Variants in NHLRC3 observed in about 807,000 individuals in gnomAD.
NHLRC3 encodes NHL repeat-containing protein 3.
In NHLRC3, 23 loss-of-function variants were observed where a neutral mutation model predicts 32.0. The observed-to-expected ratio is 0.72, with a 90% CI of 0.52 to 1.02. NHLRC3 has a LOEUF of 1.02. Ranked by LOEUF, NHLRC3 falls within the 50% of genes least tolerant of loss-of-function variation. NHLRC3 has a pLI of 0.00. For missense variants in NHLRC3, 407 were observed against 406.8 expected (o/e 1.00, Z -0.01); for synonymous variants, 159 against 147.9 (o/e 1.08, Z -0.55).
At chr13:39,044,925 C>G (rs1460395958) in intron 5 of NHLRC3, among the ~76,000 whole-genome samples, 1 of 152,164 alleles carries the variant, frequency 6.6e-6, no homozygotes, top group Non-Finnish European at 1.5e-5. Context: ...TGTCTGTCTC[C>G]CCTAATAGAT....
At chr13:39,042,862 A>AGGG (rs1465876577) in intron 4 of NHLRC3, among the ~76,000 whole-genome samples, 1 of 152,114 alleles carries the variant, frequency 6.6e-6, no homozygotes, top group Non-Finnish European at 1.5e-5. Flanking sequence ...GTGGGAGGAG[A>AGGG]GGGGAGGATG....
chr13:39,039,317 T>C, intron 2 of NHLRC3, 29 bp downstream of exon 2: 2 of 1,577,364 alleles, frequency 1.3e-6, no homozygotes, highest in Non-Finnish European at 8.7e-7. Flanking sequence ...AAAAAAATTA[T>C]GAACACAAAG....
At position 39,042,223 on chromosome 13, in the gene NHLRC3, A is replaced by G; in HGVS notation, c.504A>G (p.Glu168=). The part of the protein sequence containing the change: ...LNPLQFDNPA[E]LYVEDTGDIY... ...CTTTGCAGTTTGATAACCCAGCAGA[A>G]TTATATGTAGAGGACACAGGAGATA... is the stretch of plus-strand genomic sequence containing the variant. Residue 168 remains glutamate (E), a synonymous_variant, in exon 4 of 7, where the codon GAA becomes GAG. Coordinates refer to ENST00000379600, the MANE Select transcript of NHLRC3 (RefSeq NM_001012754.4). 1 of 1,611,718 alleles carries G rather than the reference A, an allele frequency of 6.2e-7. No individual in the cohort carries two copies. The highest frequency in any genetic ancestry group is 8.5e-7 in the Non-Finnish European group (1 of 1,177,882).
chr13:39,042,742 T>C (rs1871513034), intron 4 of NHLRC3, among the ~76,000 whole-genome samples: 2 of 152,250 alleles, frequency 1.3e-5, no homozygotes, highest in Non-Finnish European at 2.9e-5. Context: ...AAATGTAGTC[T>C]ATGCTATTGA....
chr13:39,047,084 TAA>T lies in NHLRC3; in HGVS notation c.725_726del (p.Lys242ArgfsTer11). On this transcript the variant is annotated frameshift_variant, in exon 6 of 7. Transcript: ENST00000379600. LOFTEE classifies it high-confidence loss of function. ...GAAATAAAAGAATCCAAGTATTTGA[TAA>T]AGACACTGGGGAGTGGTTAGGAGCA... is the stretch of plus-strand genomic sequence containing the variant. ...RGNKRIQVFD[K>X]DTGEWLGAWN... is the part of the protein sequence containing the mutation. 6.2e-7 allele frequency: 1 copy of T among 1,613,372 alleles called. No homozygotes were observed. Among genetic ancestry groups the T allele is most frequent in the Non-Finnish European group, 8.5e-7 (1 of 1,179,544 alleles).
rs182249788 is a variant in NHLRC3 at position 39,044,721 on chromosome 13, C to T, written c.678+540C>T. On this transcript the variant is annotated intron_variant, in intron 5 of 6. Transcript: ENST00000379600. ...TTAGCCAACAAATTTCAATCAGTTT[C>T]TCTCTTTTCTACCCTACTCACTACT... is the stretch of plus-strand genomic sequence containing the variant. 2.5e-3 allele frequency among the ~76,000 whole-genome samples: 376 copies of T among 152,316 alleles called. 1 individual carries two copies. The highest frequency in any genetic ancestry group is 8.8e-3 in the African/African-American group (367 of 41,572).
Position 39,048,085 on chromosome 13 carries a change from C to T in NHLRC3, c.*159C>T. On this transcript the variant is annotated 3_prime_UTR_variant, in exon 7 of 7. Coordinates refer to ENST00000379600, the MANE Select transcript of NHLRC3 (RefSeq NM_001012754.4). ...TCATTAAGAATCTTATATTTTGTTG[C>T]CCTCTTGGGACTTAGTTTTATTTGT... is the stretch of plus-strand genomic sequence containing the variant. The T allele has an allele frequency of 4.8e-6, 3 of 623,916 alleles. No individual in the cohort carries two copies. The highest frequency in any genetic ancestry group is 8.1e-6 in the Non-Finnish European group (3 of 371,848). 38.6% of individuals were successfully genotyped at this position (623,916 alleles called of 1,614,324 possible). A position where few individuals can be genotyped will look rare whatever the true frequency, so the allele number is the denominator to read the frequency against.
In NHLRC3 at chr13:39,047,674, G is replaced by A; in HGVS notation, c.792G>A (p.Arg264=). The A allele has an allele frequency of 6.2e-7, 1 of 1,611,460 alleles. No homozygotes were observed. The highest frequency in any genetic ancestry group is 8.5e-7 in the Non-Finnish European group (1 of 1,178,024). Residue 264 remains arginine (R), a splice_region_variant and synonymous_variant, in exon 7 of 7, where the codon AGG becomes AGA. Coordinates refer to ENST00000379600, the MANE Select transcript of NHLRC3 (RefSeq NM_001012754.4). ...TTATGTTAAATGTCTTTCTCCTTAGGTTTACTCCTGATGGGAAGTACTTGA... is the reference window on the plus strand; with the variant it reads ...TTATGTTAAATGTCTTTCTCCTTAGATTTACTCCTGATGGGAAGTACTTGA... ...CFTEEGPSSV[R]FTPDGKYLIV...
chr13:39,044,481 AT>A, intron 5 of NHLRC3: 5 of 306,448 alleles, frequency 1.6e-5, no homozygotes, highest in Non-Finnish European at 2.4e-5. Context: ...GAAGGCACAA[AT>A]AATGGATCTG....
At position 39,047,698 on chromosome 13, in the gene NHLRC3, G is replaced by C; in HGVS notation, c.816G>C (p.Leu272Phe). The change falls in exon 7 of 7, where the codon TTG becomes TTC. Residue 272 changes from leucine to phenylalanine, a missense_variant. By Grantham distance (22) the Leu-to-Phe change is conservative. Coordinates refer to ENST00000379600, the MANE Select transcript of NHLRC3 (RefSeq NM_001012754.4). ...GGTTTACTCCTGATGGGAAGTACTTGATTGTGGCCCAGCTGAATCTTAGCA... is the reference window on the plus strand; with the variant it reads ...GGTTTACTCCTGATGGGAAGTACTTCATTGTGGCCCAGCTGAATCTTAGCA... ...SVRFTPDGKY[L>F]IVAQLNLSRL... is the part of the protein sequence containing the mutation. The C allele has an allele frequency of 6.2e-7, 1 of 1,613,790 alleles. No individual in the cohort carries two copies. The highest frequency in any genetic ancestry group is 8.5e-7 in the Non-Finnish European group (1 of 1,179,754).
chr13:39,039,293 GTAAA>G lies in NHLRC3; in HGVS notation c.237+8_237+11del. The G allele has an allele frequency of 6.2e-7, 1 of 1,606,266 alleles. No homozygotes were observed. The highest frequency in any genetic ancestry group is 8.5e-7 in the Non-Finnish European group (1 of 1,174,772). On this transcript the variant is annotated splice_donor_region_variant and intron_variant, in intron 2 of 6. Transcript: ENST00000379600. ...GGATTGGTTTACATAGGTCAAGTAA[GTAAA>G]TAGAGATTTAAAAAAATTATGAACA...
In NHLRC3 at chr13:39,044,116, G is replaced by C; in HGVS notation, c.613G>C (p.Glu205Gln). 1.9e-6 allele frequency: 3 copies of C among 1,613,706 alleles called. No homozygotes were observed. The South Asian group carries it at 3.3e-5, about 18-fold the overall frequency. ...TTTCATGATCCTTTGGCTGCATGGA[G>C]AAAATGGGACAGGGCCTGCTAAGTT... ...QDFMILWLHG[E>Q]NGTGPAKFNI... Residue 205 changes from glutamate (E) to glutamine (Q), a missense_variant, in exon 5 of 7, where the codon GAA becomes CAA. Transcript: ENST00000379600.
rs1448635419 is a variant in NHLRC3, at chr13:39,048,221, T to TA, written c.*303dup. On this transcript the variant is annotated 3_prime_UTR_variant, in exon 7 of 7. Coordinates refer to ENST00000379600, the MANE Select transcript of NHLRC3 (RefSeq NM_001012754.4). Reference sequence around the variant, plus strand: ...CCCTGGTAGACTGATTCTCCCTGGGTAAAAAAAATGGGAATAAAAATGAGC... The same window carrying TA: ...CCCTGGTAGACTGATTCTCCCTGGGTAAAAAAAAATGGGAATAAAAATGAGC... The TA allele has an allele frequency of 7.8e-5, 16 of 205,430 alleles. No individual in the cohort carries two copies. The highest frequency in any genetic ancestry group is 1.3e-4 in the Non-Finnish European group (13 of 102,958). The allele number at this position is 205,430 out of a possible 1,614,324, so 12.7% of individuals were successfully genotyped here.
chr13:39,044,415 T>G, intron 5 of NHLRC3: 101 of 389,206 alleles, frequency 2.6e-4, no homozygotes, highest in East Asian at 5.5e-4. Context: ...AGTGAGGGGG[T>G]TCCCCAAACA....
intron 6 of NHLRC3, 93 bp downstream of exon 6, chr13:39,047,245 T>C: frequency 4.3e-6 from 3 of 703,430 alleles, no homozygotes; most frequent in Non-Finnish European, 7.2e-6. Context: ...AAAATATTTA[T>C]TGTTAATTTT....
intron 5 of NHLRC3, 55 bp downstream of exon 5, chr13:39,044,236 TG>T: frequency 3.9e-6 from 3 of 763,374 alleles, no homozygotes; most frequent in Admixed American, 4.3e-5. Context: ...TGTTTGTGTG[TG>T]TGTGTGTGTG....
intron 5 of NHLRC3, 48 bp downstream of exon 5, chr13:39,044,229 T>TTGTGGGTGTGTGTGTGTG (rs397951843): frequency 1.3e-5 from 11 of 859,156 alleles, no homozygotes; most frequent in East Asian, 5.3e-5. Flanking sequence ...CTGAATATGT[T>TTGTGGGTGTGTGTGTGTG]TGTGTGTGTG....
chr13:39,044,450 C>G (rs1305794440), intron 5 of NHLRC3: 2 of 379,742 alleles, frequency 5.3e-6, no homozygotes, highest in Non-Finnish European at 9.3e-6. Flanking sequence ...AAATGGATTT[C>G]CTGTACCATT....
At chr13:39,046,757 C>T (rs893401927) in intron 5 of NHLRC3, among the ~76,000 whole-genome samples, 3 of 152,192 alleles carry the variant, frequency 2.0e-5, no homozygotes, top group Non-Finnish European at 2.9e-5. Flanking sequence ...TGGTAGAGTA[C>T]TCCAGCTTTT....
Sources: allele counts gnomAD v4.1 joint callset (sites outside exome capture counted in the v4.1 genomes callset), GRCh38; gene constraint gnomAD v4.1.1; transcripts MANE v1.5; gene names NCBI Gene and HGNC (gene_info 2026-07-23, HGNC 2026-07-21).